ARHGAP11B: variants seen among roughly 807,000 people sequenced by gnomAD.
ARHGAP11B encodes inactive Rho GTPase-activating protein 11B.
ARHGAP11B carries 14 observed loss-of-function variants against 27.6 expected under a neutral mutation model. That is an observed-to-expected ratio of 0.51 (90% CI 0.34 to 0.79). The LOEUF (loss-of-function observed/expected upper bound fraction) is 0.79, where lower values mean the gene tolerates loss of function less well. Ranked by LOEUF, ARHGAP11B falls within the 30% of genes least tolerant of loss-of-function variation. The pLI, the probability that ARHGAP11B is intolerant of heterozygous loss-of-function variation, is 0.02. For missense variants in ARHGAP11B, 245 were observed against 320.1 expected, an observed-to-expected ratio of 0.77 and a Z score of 1.79; for synonymous variants, 82 against 114.1, an observed-to-expected ratio of 0.72 and a Z score of 1.80.
At chr15:30,632,279 G>T (rs1367320829) in intron 2 of ARHGAP11B, among the ~76,000 whole-genome samples, 1 of 129,752 alleles carries the variant, frequency 7.7e-6, no homozygotes, top group African/African-American at 3.0e-5. Flanking sequence ...AAATTAGCTG[G>T]GCGTAGTGAT....
exon 1 of ARHGAP11B, chr15:30,626,893 G>C: frequency 1.2e-6 from 2 of 1,613,576 alleles, no homozygotes. Context: ...TAAGGTGAAG[G>C]GTGTCCGTGG....
At chr15:30,647,636 TTC>T (rs980527788) in intron 9 of ARHGAP11B, 1 of 177,700 alleles carries the variant, frequency 5.6e-6, no homozygotes, top group African/African-American at 2.4e-5. Context: ...TTTTAATTTT[TTC>T]TTTTTTTATA....
At chr15:30,646,989 C>T (rs1371848665) in intron 9 of ARHGAP11B, among the ~76,000 whole-genome samples, 4 of 151,762 alleles carry the variant, frequency 2.6e-5, no homozygotes, top group East Asian at 1.9e-4. Context: ...CAAAACAAAA[C>T]GTGATATCAT....
At chr15:30,635,123 T>C (rs1397305270) in exon 5 of ARHGAP11B, 2 of 1,613,528 alleles carry the variant, frequency 1.2e-6, no homozygotes, top group Non-Finnish European at 1.7e-6. Flanking sequence ...TGCAGTAATA[T>C]TTGCACCAAA....
At position 30,647,148 on chromosome 15, in the gene ARHGAP11B, T is replaced by C. The variant is rs780062094; in HGVS notation, c.*325-520T>C. ...GACATCAACCCCCTAAGACATTTTT[T>C]TCCTATCCTCTGGGAATATTACGTT... On this transcript the variant is annotated intron_variant, in intron 9 of 10. Coordinates refer to ENST00000428041, the Ensembl canonical transcript of ARHGAP11B. Among the ~76,000 whole-genome samples the C allele has an allele frequency of 8.7e-4, 132 of 151,966 alleles. 3 individuals are homozygous for C. The highest frequency in any genetic ancestry group is 2.5e-4 in the Non-Finnish European group (17 of 67,988).
At chr15:30,629,615 A>G (rs1346236481) in intron 1 of ARHGAP11B, among the ~76,000 whole-genome samples, 1 of 152,046 alleles carries the variant, frequency 6.6e-6, no homozygotes, top group Non-Finnish European at 1.5e-5. Flanking sequence ...TTACCATACT[A>G]TACTGTCTTT....
chr15:30,635,371 C>T (rs963157002), intron 5 of ARHGAP11B, 116 bp from the exon 6 acceptor site: 27 of 1,444,300 alleles, frequency 1.9e-5, no homozygotes, highest in Non-Finnish European at 2.3e-5. Context: ...CCCTACAGTA[C>T]CGGCCCCTCC....
At position 30,640,732 on chromosome 15, in the gene ARHGAP11B, A is replaced by G. The variant is rs540487277; in HGVS notation, c.*78+1912A>G. Among the ~76,000 whole-genome samples the G allele has an allele frequency of 1.4e-3, 206 of 151,802 alleles. 2 individuals carry two copies. Among genetic ancestry groups the G allele is most frequent in the African/African-American group, 4.9e-3 (201 of 41,422 alleles). On this transcript the variant is annotated intron_variant, in intron 7 of 10. Transcript: ENST00000428041. ...GTCCAAAAGGGTTCTTATTTGTTTTATTGAGAAGTTGAACAGAATAGCAAC... is the reference window on the plus strand; with the variant it reads ...GTCCAAAAGGGTTCTTATTTGTTTTGTTGAGAAGTTGAACAGAATAGCAAC...
At chr15:30,645,087 A>G (rs1225750802) in intron 8 of ARHGAP11B, among the ~76,000 whole-genome samples, 2 of 151,784 alleles carry the variant, frequency 1.3e-5, no homozygotes, top group Admixed American at 6.6e-5. Flanking sequence ...CGGGACCAGG[A>G]CATTTGAGAA....
At chr15:30,628,010 T>C (rs2060220851) in intron 1 of ARHGAP11B, among the ~76,000 whole-genome samples, 1 of 151,814 alleles carries the variant, frequency 6.6e-6, no homozygotes, top group African/African-American at 2.4e-5. Context: ...ATCTCAAATG[T>C]AGCTGATTTT....
chr15:30,630,023 T>C (rs1234288755), intron 1 of ARHGAP11B, among the ~76,000 whole-genome samples: 2 of 152,112 alleles, frequency 1.3e-5, no homozygotes, highest in African/African-American at 4.8e-5. Context: ...CAAACAACTT[T>C]ACTCTTGGGA....
intron 7 of ARHGAP11B, among the ~76,000 whole-genome samples, chr15:30,639,088 A>G (rs1399433493): frequency 1.3e-5 from 2 of 152,016 alleles, no homozygotes; most frequent in Admixed American, 6.6e-5. Flanking sequence ...TGTAATTTAG[A>G]TGCTATTGAA....
intron 2 of ARHGAP11B, among the ~76,000 whole-genome samples, chr15:30,631,304 A>C (rs2060243523): frequency 6.6e-6 from 1 of 151,898 alleles, no homozygotes; most frequent in South Asian, 2.1e-4. Context: ...CTTTTGCCAC[A>C]ACTCAGATTA....
intron 7 of ARHGAP11B, among the ~76,000 whole-genome samples, chr15:30,642,740 T>A (rs1380391979): frequency 6.6e-6 from 1 of 152,044 alleles, no homozygotes; most frequent in Non-Finnish European, 1.5e-5. Context: ...CAATGGTGCC[T>A]ATCCCTGCCT....
Position 30,635,495 on chromosome 15 carries a change from C to A in ARHGAP11B, c.669C>A (p.Tyr223Ter), listed in dbSNP as rs1327836842. 6.2e-7 allele frequency: 1 copy of A among 1,613,148 alleles called. No homozygotes were observed. The highest frequency in any genetic ancestry group is 2.2e-5 in the East Asian group (1 of 44,820). ...TGAACATTTTCATTTAGGGCGTGTACCAGACTTTATCCTGGAAAAGATACC... is the reference window on the plus strand; with the variant it reads ...TGAACATTTTCATTTAGGGCGTGTAACAGACTTTATCCTGGAAAAGATACC... The change falls in exon 6 of 11, where the codon TAC becomes TAA. Residue 223 changes from tyrosine (Y) to a stop codon, truncating the protein, a stop_gained. Coordinates refer to ENST00000428041, the Ensembl canonical transcript of ARHGAP11B. LOFTEE classifies it high-confidence loss of function.
rs193084562 is a variant in ARHGAP11B, at chr15:30,636,620, A to G, written c.*3+987A>G. Among the ~76,000 whole-genome samples, 360 of 152,240 alleles carry G rather than the reference A, an allele frequency of 2.4e-3. 5 individuals are homozygous for G. Among genetic ancestry groups the G allele is most frequent in the African/African-American group, 8.5e-3 (352 of 41,556 alleles). ...TGTATGATTTTCCTAGGGCTACTGTAGCAAAGTACTACAAACTAGGTGGCT... is the reference window on the plus strand; with the variant it reads ...TGTATGATTTTCCTAGGGCTACTGTGGCAAAGTACTACAAACTAGGTGGCT... On this transcript the variant is annotated intron_variant, in intron 6 of 10. Transcript: ENST00000428041.
exon 8 of ARHGAP11B, chr15:30,644,658 C>T (rs1410137352): frequency 2.8e-5 from 45 of 1,588,458 alleles, no homozygotes; most frequent in Middle Eastern, 4.6e-4. Flanking sequence ...CAACCACCAT[C>T]GGTTAAATTT....
At chr15:30,640,012 G>GTT (rs1442459486) in intron 7 of ARHGAP11B, among the ~76,000 whole-genome samples, 1 of 143,410 alleles carries the variant, frequency 7.0e-6, no homozygotes, top group Non-Finnish European at 1.6e-5. Flanking sequence ...GTGTGTGTGT[G>GTT]TTATGACAAC....
At chr15:30,648,056 C>G (rs2060362142) in intron 10 of ARHGAP11B, among the ~76,000 whole-genome samples, 1 of 151,928 alleles carries the variant, frequency 6.6e-6, no homozygotes, top group Non-Finnish European at 1.5e-5. Flanking sequence ...ATCTCTGACT[C>G]CCAAAGTGTT....
Sources: gnomAD v4.1 joint callset for allele counts (sites outside exome capture counted in the v4.1 genomes callset) on GRCh38, gnomAD v4.1.1 for gene constraint, MANE v1.5 for transcripts, NCBI Gene and HGNC (gene_info 2026-07-23, HGNC 2026-07-21) for gene names.